The following KDM2B variants were observed in gnomAD, a reference collection of about 807,000 sequenced individuals.
The protein encoded by KDM2B is lysine-specific demethylase 2B.
Under a neutral mutation model 150.0 loss-of-function variants are expected in KDM2B, and 26 were observed. That is an observed-to-expected ratio of 0.17 (90% CI 0.13 to 0.24). The LOEUF (loss-of-function observed/expected upper bound fraction) is 0.24. Among genes scored for constraint, KDM2B ranks in the 10% least tolerant of loss-of-function variants. The pLI, the probability that KDM2B is intolerant of heterozygous loss-of-function variation, is 1.00. For missense variants in KDM2B, 1,265 were observed against 1,816.9 expected, an observed-to-expected ratio of 0.70 and a Z score of 5.52; for synonymous variants, 734 against 729.5, an observed-to-expected ratio of 1.01 and a Z score of -0.10.
the KDM2B span, chr12:121,420,711 T>A: frequency 6.2e-7 from 1 of 1,614,162 alleles, no homozygotes; most frequent in Admixed American, 1.7e-5. Context: ...CTGGCTGTTG[T>A]GAAAAATGGG....
intron 4 of KDM2B, among the ~76,000 whole-genome samples, chr12:121,552,008 G>A (rs189297481): frequency 6.6e-5 from 10 of 152,324 alleles, no homozygotes; most frequent in Non-Finnish European, 1.3e-4. Context: ...GGAAAAGCAA[G>A]GTGAGACAGT....
chr12:121,414,233 A>G, the KDM2B span, among the ~76,000 whole-genome samples: 5 of 152,270 alleles, frequency 3.3e-5, no homozygotes, highest in Non-Finnish European at 7.3e-5. Context: ...TGCCATTTTA[A>G]CTAATACCTC....
chr12:121,450,687 G>GTC (rs1877101424), intron 13 of KDM2B, among the ~76,000 whole-genome samples: 1 of 152,060 alleles, frequency 6.6e-6, no homozygotes. Context: ...GTGAAACCCC[G>GTC]TCTCTACTAA....
At position 121,468,380 on chromosome 12, in the gene KDM2B, A is replaced by C. The variant is rs1880359019; in HGVS notation, c.1735-15036T>G. 1 of 152,226 alleles carries C rather than the reference A, an allele frequency of 6.6e-6. No individual in the cohort carries two copies. Among genetic ancestry groups the C allele is most frequent in the South Asian group, 2.1e-4 (1 of 4,828 alleles). 9.4% of individuals were successfully genotyped at this position (152,226 alleles called of 1,614,324 possible). A position where few individuals can be genotyped will look rare whatever the true frequency, so the allele number is the denominator to read the frequency against. On this transcript the variant is annotated intron_variant, in intron 12 of 22. Transcript: ENST00000377071. The surrounding 1 kb of genome is among the most constrained non-coding windows in gnomAD (Gnocchi z 4.0). ...CTCTCTGAAAGAGCTCATGACCATG[A>C]GCTAGAACGACCAAAGCTGTTATAA...
At chr12:121,478,757 G>A (rs980938438) in intron 12 of KDM2B, among the ~76,000 whole-genome samples, 5 of 151,630 alleles carry the variant, frequency 3.3e-5, no homozygotes, top group East Asian at 1.9e-4. Context: ...GCACGATCTC[G>A]GCTCACTGCA....
In KDM2B at chr12:121,442,902, G is replaced by GC. The variant is rs1487515493; in HGVS notation, c.2605-67dup. The GC allele has an allele frequency of 1.3e-6, 2 of 1,560,670 alleles. No individual in the cohort carries two copies. Among genetic ancestry groups the GC allele is most frequent in the South Asian group, 1.2e-5 (1 of 84,912 alleles). Reference sequence around the variant, plus strand: ...GGGCTGCGCCCGCCCAAGGCCTCCCGCCCCCCTGCCACGGGACTGTGGCCC... The same window carrying GC: ...GGGCTGCGCCCGCCCAAGGCCTCCCGCCCCCCCTGCCACGGGACTGTGGCCC... On this transcript the variant is annotated intron_variant, in intron 18 of 22. Transcript: ENST00000377071. This position sits in a 1 kb window ranked among gnomAD's most constrained non-coding sequence, Gnocchi z 7.7.
chr12:121,437,163 AAGTCAGG>A (rs1178826510), intron 22 of KDM2B, among the ~76,000 whole-genome samples: 14 of 152,102 alleles, frequency 9.2e-5, no homozygotes, highest in Admixed American at 3.3e-4. Flanking sequence ...GGAGGAAAAG[AAGTCAGG>A]AGGCAGCTCT....
At chr12:121,456,863 A>G (rs1878318931) in intron 12 of KDM2B, among the ~76,000 whole-genome samples, 1 of 152,172 alleles carries the variant, frequency 6.6e-6, no homozygotes, top group South Asian at 2.1e-4. Context: ...CTGAAAGAAG[A>G]GGTGTGAGAA....
Position 121,494,772 on chromosome 12 carries a change from C to T in KDM2B, c.1648-107G>A, listed in dbSNP as rs568781546. On this transcript the variant is annotated intron_variant, in intron 11 of 22. Coordinates refer to ENST00000377071, the MANE Select transcript of KDM2B (RefSeq NM_032590.5). The stretch of plus-strand genomic sequence containing the variant: ...CAAGGATCACACTCCACAAAGTCAG[C>T]GCCTGGCCATTGACTCCACCACCAC... 1.1e-4 allele frequency: 85 copies of T among 783,834 alleles called. 1 individual carries two copies. The East Asian group carries it at 2.1e-3, about 19-fold the overall frequency. The allele number at this position is 783,834 out of a possible 1,614,324, so 48.6% of individuals were successfully genotyped here.
chr12:121,554,027 C>A (rs1889707300), intron 4 of KDM2B, among the ~76,000 whole-genome samples: 1 of 135,078 alleles, frequency 7.4e-6, no homozygotes. Context: ...TAGTGACACC[C>A]CAGCTCCACA....
intron 12 of KDM2B, among the ~76,000 whole-genome samples, chr12:121,475,721 C>T (rs1447911392): frequency 4.0e-5 from 6 of 151,142 alleles, no homozygotes; most frequent in Admixed American, 1.3e-4. Context: ...TGGCAAGACC[C>T]CATCTATAAA....
chr12:121,552,699 C>T lies in KDM2B; in HGVS notation c.398-3061G>A, dbSNP rs1004342222. Among the ~76,000 whole-genome samples, 16 of 148,148 alleles carry T rather than the reference C, an allele frequency of 1.1e-4. 1 individual carries two copies. Among genetic ancestry groups the T allele is most frequent in the Non-Finnish European group, 2.1e-4 (14 of 67,204 alleles). ...ATTAAAAAAAAAAAAAAAAAAGATT[C>T]CAGACCACAGCAGTGGCCAGGTCCC... is the stretch of plus-strand genomic sequence containing the variant. On this transcript the variant is annotated intron_variant, in intron 4 of 22. Transcript: ENST00000377071.
In KDM2B at chr12:121,524,610, A is replaced by T. The variant is rs374213267; in HGVS notation, c.932-3510T>A. On this transcript the variant is annotated intron_variant, in intron 8 of 22. Transcript: ENST00000377071. ...CAGCTCTGCTCACATCTGCTTCATTACCCACATGCCTCCCTCAGTAAGAAG... is the reference window on the plus strand; with the variant it reads ...CAGCTCTGCTCACATCTGCTTCATTTCCCACATGCCTCCCTCAGTAAGAAG... The T allele has an allele frequency of 1.4e-3, 555 of 393,900 alleles. 9 individuals carry two copies. The highest frequency in any genetic ancestry group is 9.0e-3 in the South Asian group (488 of 54,382). 24.4% of individuals were successfully genotyped at this position (393,900 alleles called of 1,614,324 possible). A position where few individuals can be genotyped will look rare whatever the true frequency, so the allele number is the denominator to read the frequency against.
Position 121,494,343 on chromosome 12 carries a change from C to G in KDM2B, c.1734+236G>C, listed in dbSNP as rs138099712. The stretch of plus-strand genomic sequence containing the variant: ...ACAGGGAAAGGCGAGGTGTCAGCAC[C>G]CCCCAGTTTTCCAAGTGACCACCAG... On this transcript the variant is annotated intron_variant, in intron 12 of 22. Transcript: ENST00000377071. 656 of 456,000 alleles carry G rather than the reference C, an allele frequency of 1.4e-3. 4 individuals are homozygous for G. The highest frequency in any genetic ancestry group is 0.012 in the African/African-American group (607 of 48,820). The allele number at this position is 456,000 out of a possible 1,614,324, so 28.2% of individuals were successfully genotyped here. A position where few individuals can be genotyped will look rare whatever the true frequency, so the allele number is the denominator to read the frequency against.
intron 8 of KDM2B, among the ~76,000 whole-genome samples, chr12:121,526,362 A>C (rs1166894409): frequency 6.6e-6 from 1 of 152,084 alleles, no homozygotes; most frequent in Non-Finnish European, 1.5e-5. Context: ...CAGGGGAAAA[A>C]AAAAAGAAAG....
intron 13 of KDM2B, among the ~76,000 whole-genome samples, chr12:121,445,702 G>A (rs1876037128): frequency 1.3e-5 from 2 of 152,334 alleles, no homozygotes; most frequent in Admixed American, 1.3e-4. Flanking sequence ...AGACAAAATG[G>A]ACAGAGCATG....
At position 121,520,571 on chromosome 12, in the gene KDM2B, C is replaced by T. The variant is rs1886599540; in HGVS notation, c.1047+414G>A. Among the ~76,000 whole-genome samples, 1 of 152,106 alleles carries T rather than the reference C, an allele frequency of 6.6e-6. No individual in the cohort carries two copies. Among genetic ancestry groups the T allele is most frequent in the South Asian group, 2.1e-4 (1 of 4,818 alleles). The stretch of plus-strand genomic sequence containing the variant: ...TGGGGTCCCTGGGAGAACATATAGC[C>T]AAGACCTGACCTCAGACCAGGACAG... On this transcript the variant is annotated intron_variant, in intron 9 of 22. Transcript: ENST00000377071. This position sits in a 1 kb window ranked among gnomAD's most constrained non-coding sequence, Gnocchi z 4.5.
rs369372892 is a variant in KDM2B at position 121,521,087 on chromosome 12, G to A, written c.945C>T (p.Ala315=). ...CCAAAGAGTCTACAGGGGTGTAGAC[G>A]GCATGGATCCAACCTGGGGTGGGAA... ...TFFIPSGWIH[A]VYTPVDSLVF... is the part of the protein sequence containing the mutation. Residue 315 remains alanine (A), a synonymous_variant, in exon 9 of 23, where the codon GCC becomes GCT. Coordinates refer to ENST00000377071, the MANE Select transcript of KDM2B (RefSeq NM_032590.5). The surrounding 1 kb of genome is among the most constrained non-coding windows in gnomAD (Gnocchi z 4.9). 145 of 1,612,736 alleles carry A rather than the reference G, an allele frequency of 9.0e-5. No individual in the cohort carries two copies. The highest frequency in any genetic ancestry group is 4.7e-4 in the African/African-American group (35 of 74,852).
chr12:121,514,012 G>C (rs180893786), intron 9 of KDM2B, among the ~76,000 whole-genome samples: 2 of 152,204 alleles, frequency 1.3e-5, no homozygotes. Flanking sequence ...CCCCACACCC[G>C]TCTGGCACTG....
Sources: gnomAD v4.1 joint callset for allele counts (sites outside exome capture counted in the v4.1 genomes callset) on GRCh38, gnomAD v4.1.1 for gene constraint, Gnocchi (gnomAD v3.1) non-coding constraint, MANE v1.5 for transcripts, NCBI Gene and HGNC (gene_info 2026-07-23, HGNC 2026-07-21) for gene names.